Variants in SUGCT observed in about 807,000 individuals in gnomAD.
The protein encoded by SUGCT is succinyl-CoA:glutarate CoA-transferase.
SUGCT carries 41 observed loss-of-function variants against 55.0 expected under a neutral mutation model. The observed-to-expected ratio is 0.74, with a 90% confidence interval of 0.58 to 0.97. SUGCT has a LOEUF of 0.97. SUGCT is among the 50% of genes least tolerant of loss of function. SUGCT has a pLI of 0.00. For synonymous variants in SUGCT, 187 were observed against 200.4 expected (o/e 0.93, Z 0.56); for missense variants, 568 against 547.8 (o/e 1.04, Z -0.37).
chr7:40,948,107 A>G, the SUGCT span, among the ~76,000 whole-genome samples: 9 of 152,262 alleles, frequency 5.9e-5, no homozygotes, highest in African/African-American at 9.6e-5. Flanking sequence ...TTACAAAGAA[A>G]CCCGTTGCAT....
chr7:40,860,316 G>T lies in SUGCT; in HGVS notation c.1154G>T (p.Gly385Val), dbSNP rs1794430315. The change falls in exon 14 of 14, where the codon GGC becomes GTC. Residue 385 changes from glycine (G) to valine (V), a missense_variant and splice_region_variant. Gly to Val is a moderately radical substitution (Grantham distance 109, BLOSUM62 -3). Coordinates refer to ENST00000335693, the MANE Select transcript of SUGCT (RefSeq NM_001193313.2). ...HPTVGKISVP[G>V]PAVRYSKFKM... ...TCCTGCTTTCCTTCTCCTTTGGCAGGCCCAGCTGTGAGATACAGTAAGTTC... is the reference window on the plus strand; with the variant it reads ...TCCTGCTTTCCTTCTCCTTTGGCAGTCCCAGCTGTGAGATACAGTAAGTTC... 1.2e-6 allele frequency: 2 copies of T among 1,613,768 alleles called. No homozygotes were observed. Among genetic ancestry groups the T allele is most frequent in the African/African-American group, 2.7e-5 (2 of 74,914 alleles).
chr7:40,410,213 T>G (rs1383987754), intron 9 of SUGCT, among the ~76,000 whole-genome samples: 1 of 152,222 alleles, frequency 6.6e-6, no homozygotes, highest in African/African-American at 2.4e-5. Context: ...TCACATGTCT[T>G]GAGCTGCTGT....
intron 11 of SUGCT, among the ~76,000 whole-genome samples, chr7:40,470,918 C>T (rs969008966): frequency 1.3e-5 from 2 of 151,918 alleles, no homozygotes; most frequent in Admixed American, 6.6e-5. Flanking sequence ...CATTTGCTAA[C>T]TTTGGAAAGA....
intron 12 of SUGCT, among the ~76,000 whole-genome samples, chr7:40,573,000 G>A (rs934586635): frequency 1.3e-5 from 2 of 152,152 alleles, no homozygotes; most frequent in Non-Finnish European, 2.9e-5. Flanking sequence ...ATAGGGTAGA[G>A]TAACAAAAAT....
chr7:40,274,033 T>C (rs1393523055), intron 7 of SUGCT, among the ~76,000 whole-genome samples: 2 of 149,768 alleles, frequency 1.3e-5, no homozygotes, highest in African/African-American at 4.9e-5. Context: ...TGCCAGCTAT[T>C]GGTGTGCTTA....
intron 12 of SUGCT, among the ~76,000 whole-genome samples, chr7:40,517,450 C>CTT (rs1280517126): frequency 1.3e-5 from 2 of 152,020 alleles, no homozygotes; most frequent in African/African-American, 2.4e-5. Flanking sequence ...AGCGTTCAAT[C>CTT]TTTCACCATT....
rs186255917 is a variant in SUGCT, at chr7:40,673,614, G to T, written c.1090-75820G>T. Among the ~76,000 whole-genome samples, 3 of 152,304 alleles carry T rather than the reference G, an allele frequency of 2.0e-5. No individual in the cohort carries two copies. The East Asian group carries it at 5.8e-4, about 29-fold the overall frequency. On this transcript the variant is annotated intron_variant, in intron 12 of 13. Coordinates refer to ENST00000335693, the MANE Select transcript of SUGCT (RefSeq NM_001193313.2). ...TTTAAGGGCGCTATGTAAAGCTGAAGAGTATTATATAACCATCCATAAAAT... is the reference window on the plus strand; with the variant it reads ...TTTAAGGGCGCTATGTAAAGCTGAATAGTATTATATAACCATCCATAAAAT...
the SUGCT span, among the ~76,000 whole-genome samples, chr7:41,035,789 TGG>T: frequency 6.6e-4 from 100 of 152,230 alleles, no homozygotes; most frequent in Non-Finnish European, 1.2e-3. Context: ...GAGCTCACTC[TGG>T]CCACGCAGCT....
intron 9 of SUGCT, among the ~76,000 whole-genome samples, chr7:40,350,492 T>TC (rs1050906576): frequency 1.3e-4 from 19 of 149,892 alleles, no homozygotes; most frequent in Admixed American, 3.3e-4. Context: ...TTTTTTTTTT[T>TC]TTCTTCTTTT....
At chr7:40,158,803 G>C (rs1337325361) in intron 1 of SUGCT, among the ~76,000 whole-genome samples, 1 of 152,152 alleles carries the variant, frequency 6.6e-6, no homozygotes, top group Non-Finnish European at 1.5e-5. Context: ...AAATTTTTAT[G>C]TCCCTAGCAT....
At chr7:40,765,330 T>G (rs1304429089) in intron 13 of SUGCT, among the ~76,000 whole-genome samples, 1 of 152,062 alleles carries the variant, frequency 6.6e-6, no homozygotes, top group Non-Finnish European at 1.5e-5. Context: ...GGAATTGGAT[T>G]CTCTTCATTT....
chr7:40,748,158 T>G (rs947653180), intron 12 of SUGCT, among the ~76,000 whole-genome samples: 1 of 152,056 alleles, frequency 6.6e-6, no homozygotes, highest in Non-Finnish European at 1.5e-5. Context: ...TGTTGTGGGA[T>G]TAGGAGGATT....
the SUGCT span, among the ~76,000 whole-genome samples, chr7:40,903,947 G>A: frequency 6.6e-6 from 1 of 152,132 alleles, no homozygotes; most frequent in Non-Finnish European, 1.5e-5. Flanking sequence ...AGGACCACAA[G>A]AAAGATGAAC....
chr7:40,448,950 G>GTATATATA (rs1244847873), intron 9 of SUGCT, among the ~76,000 whole-genome samples: 2 of 141,908 alleles, frequency 1.4e-5, no homozygotes, highest in East Asian at 2.1e-4. Context: ...GTGTGTGTGT[G>GTATATATA]TATATATATA....
At chr7:40,977,378 T>G in the SUGCT span, among the ~76,000 whole-genome samples, 1 of 152,236 alleles carries the variant, frequency 6.6e-6, no homozygotes, top group Admixed American at 6.5e-5. Context: ...CAATGTCATT[T>G]TCCATTTCTT....
chr7:40,801,216 T>C (rs934408419), intron 13 of SUGCT, among the ~76,000 whole-genome samples: 1 of 152,222 alleles, frequency 6.6e-6, no homozygotes, highest in Non-Finnish European at 1.5e-5. Flanking sequence ...TTACTTCTAC[T>C]TCAGCATACA....
At chr7:40,272,803 A>G (rs1792179881) in intron 7 of SUGCT, among the ~76,000 whole-genome samples, 1 of 151,228 alleles carries the variant, frequency 6.6e-6, no homozygotes, top group Non-Finnish European at 1.5e-5. Context: ...GGGATTACAT[A>G]TATGTGCCAC....
intron 12 of SUGCT, among the ~76,000 whole-genome samples, chr7:40,609,357 G>A (rs1031527946): frequency 2.0e-5 from 3 of 151,876 alleles, no homozygotes; most frequent in Non-Finnish European, 4.4e-5. Flanking sequence ...ACGAGGTCAG[G>A]AGATCGAGAC....
At position 40,520,265 on chromosome 7, in the gene SUGCT, A is replaced by G. The variant is rs182938804; in HGVS notation, c.1089+23879A>G. Among the ~76,000 whole-genome samples, 189 of 152,220 alleles carry G rather than the reference A, an allele frequency of 1.2e-3. 1 individual carries two copies. Among genetic ancestry groups the G allele is most frequent in the African/African-American group, 4.4e-3 (182 of 41,538 alleles). On this transcript the variant is annotated intron_variant, in intron 12 of 13. Transcript: ENST00000335693. ...TGATAGTTTTCAACAAATAGCATTGAATATTATTAGAAAAGCTAAAGATGG... is the reference window on the plus strand; with the variant it reads ...TGATAGTTTTCAACAAATAGCATTGGATATTATTAGAAAAGCTAAAGATGG...
Sources: allele counts gnomAD v4.1 joint callset (sites outside exome capture counted in the v4.1 genomes callset), GRCh38; gene constraint gnomAD v4.1.1; transcripts MANE v1.5; gene names NCBI Gene and HGNC (gene_info 2026-07-23, HGNC 2026-07-21).